Variants in NKAIN2 observed in about 807,000 individuals in gnomAD.
NKAIN2 encodes the protein sodium/potassium-transporting ATPase subunit beta-1-interacting protein 2.
A neutral mutation model predicts 32.6 loss-of-function variants in NKAIN2; 14 were observed. That is an observed-to-expected ratio of 0.43 (90% confidence interval 0.28 to 0.67). The LOEUF (loss-of-function observed/expected upper bound fraction) is 0.67. NKAIN2 is among the 30% of genes least tolerant of loss of function. The pLI, the probability that NKAIN2 is intolerant of heterozygous loss-of-function variation, is 0.17. For missense variants in NKAIN2, 198 were observed against 258.3 expected (o/e 0.77, Z 1.60); for synonymous variants, 80 against 87.2 (o/e 0.92, Z 0.46).
chr6:124,509,465 G>T (rs949319512), intron 3 of NKAIN2, among the ~76,000 whole-genome samples: 1 of 152,162 alleles, frequency 6.6e-6, no homozygotes, highest in Admixed American at 6.5e-5. Context: ...ATAGGTCATC[G>T]TTGGGCTAAT....
At chr6:123,932,652 T>G (rs1485703728) in intron 1 of NKAIN2, among the ~76,000 whole-genome samples, 1 of 151,882 alleles carries the variant, frequency 6.6e-6, no homozygotes, top group Non-Finnish European at 1.5e-5. Context: ...CTCCTGACCT[T>G]GTGATCTGCC....
intron 3 of NKAIN2, among the ~76,000 whole-genome samples, chr6:124,600,650 AT>A (rs1782270251): frequency 6.6e-6 from 1 of 152,066 alleles, no homozygotes; most frequent in Non-Finnish European, 1.5e-5. Flanking sequence ...TATATTTGAT[AT>A]TTGGAATTTT....
intron 1 of NKAIN2, among the ~76,000 whole-genome samples, chr6:124,068,615 G>A (rs1783299559): frequency 6.6e-6 from 1 of 151,978 alleles, no homozygotes; most frequent in Non-Finnish European, 1.5e-5. Flanking sequence ...GGAGCTATAG[G>A]AGAGCCTAGC....
At chr6:124,418,963 T>C (rs1450572644) in intron 3 of NKAIN2, among the ~76,000 whole-genome samples, 1 of 152,142 alleles carries the variant, frequency 6.6e-6, no homozygotes, top group African/African-American at 2.4e-5. Flanking sequence ...AATTCTTTAA[T>C]ATTTTTGGCC....
At chr6:124,753,250 A>G (rs778541154) in intron 4 of NKAIN2, among the ~76,000 whole-genome samples, 42 of 152,126 alleles carry the variant, frequency 2.8e-4, no homozygotes, top group Non-Finnish European at 5.4e-4. Flanking sequence ...GTTTCATGTC[A>G]CCTTGTCTGC....
At chr6:123,968,254 G>A (rs1358965674) in intron 1 of NKAIN2, among the ~76,000 whole-genome samples, 2 of 152,178 alleles carry the variant, frequency 1.3e-5, no homozygotes, top group South Asian at 2.1e-4. Context: ...AGAGAAAGAG[G>A]TGGGCCAGGG....
chr6:124,051,883 A>T (rs1782420349), intron 1 of NKAIN2, among the ~76,000 whole-genome samples: 1 of 151,982 alleles, frequency 6.6e-6, no homozygotes, highest in African/African-American at 2.4e-5. Context: ...TCAAGAATAG[A>T]GGGTAGATGG....
chr6:123,978,292 A>G (rs1444091019), intron 1 of NKAIN2, among the ~76,000 whole-genome samples: 1 of 152,176 alleles, frequency 6.6e-6, no homozygotes, highest in Non-Finnish European at 1.5e-5. Flanking sequence ...TTCAAAGGTA[A>G]TTAAAGTATA....
intron 1 of NKAIN2, among the ~76,000 whole-genome samples, chr6:124,188,677 A>G (rs1789867609): frequency 6.6e-6 from 1 of 152,146 alleles, no homozygotes; most frequent in Non-Finnish European, 1.5e-5. Flanking sequence ...TGCATTTGAG[A>G]TACTCACTAA....
At chr6:124,099,115 T>A (rs1382341641) in intron 1 of NKAIN2, among the ~76,000 whole-genome samples, 2 of 152,120 alleles carry the variant, frequency 1.3e-5, no homozygotes, top group African/African-American at 4.8e-5. Flanking sequence ...GAGGCATAAA[T>A]ATGCTATGTT....
intron 1 of NKAIN2, among the ~76,000 whole-genome samples, chr6:124,045,064 T>C (rs2114818933): frequency 6.6e-6 from 1 of 152,076 alleles, no homozygotes; most frequent in Admixed American, 6.6e-5. Context: ...GTGAGCTCAT[T>C]TGAAACCTAT....
At chr6:123,900,537 T>G (rs1213298194) in intron 1 of NKAIN2, among the ~76,000 whole-genome samples, 6 of 83,348 alleles carry the variant, frequency 7.2e-5, no homozygotes, top group East Asian at 2.7e-4. Context: ...GATTAGTTTT[T>G]TTTTTTTTTT....
At chr6:124,171,852 CTT>C (rs1205322762) in intron 1 of NKAIN2, among the ~76,000 whole-genome samples, 33 of 136,214 alleles carry the variant, frequency 2.4e-4, no homozygotes, top group South Asian at 7.1e-4. Flanking sequence ...GCGGCCGACT[CTT>C]TTTTTTTTTT....
rs529896866 is a variant in NKAIN2, at chr6:124,342,176, C to T, written c.193-13091C>T. ...CAGCACTTTGGGAGGCCAAGGCAGG[C>T]GGATCACGAGGTCAGAAGATCGAGA... On this transcript the variant is annotated intron_variant, in intron 2 of 6. Transcript: ENST00000368417. 4.6e-5 allele frequency among the ~76,000 whole-genome samples: 7 copies of T among 151,758 alleles called. No homozygotes were observed. In the East Asian group the frequency reaches 7.8e-4, roughly 17 times the overall value.
chr6:124,637,644 A>G (rs564897546), intron 3 of NKAIN2, among the ~76,000 whole-genome samples: 100 of 152,260 alleles, frequency 6.6e-4, no homozygotes, highest in African/African-American at 2.3e-3. Context: ...TAAGAAAGAA[A>G]TTATGAACAC....
intron 4 of NKAIN2, among the ~76,000 whole-genome samples, chr6:124,719,089 A>G (rs1249132877): frequency 6.6e-6 from 1 of 152,200 alleles, no homozygotes; most frequent in Non-Finnish European, 1.5e-5. Flanking sequence ...AAAAGAAAAA[A>G]GGAAAAATGT....
At chr6:124,362,117 T>G (rs914816245) in intron 3 of NKAIN2, among the ~76,000 whole-genome samples, 1 of 152,104 alleles carries the variant, frequency 6.6e-6, no homozygotes, top group Non-Finnish European at 1.5e-5. Flanking sequence ...AATAATTGAT[T>G]TAAGACAAAA....
At chr6:124,661,095 T>G (rs1167928212) in intron 4 of NKAIN2, among the ~76,000 whole-genome samples, 2 of 152,228 alleles carry the variant, frequency 1.3e-5, no homozygotes. Flanking sequence ...TGTCAGGACC[T>G]CTGACCTTGA....
intron 6 of NKAIN2, among the ~76,000 whole-genome samples, chr6:124,819,326 GAAATTAATCTTT>G (rs1293271259): frequency 6.6e-6 from 1 of 152,044 alleles, no homozygotes. Flanking sequence ...CTCCTCCAAA[GAAATTAATCTTT>G]AAACATCCCC....
Sources: allele counts gnomAD v4.1 joint callset (sites outside exome capture counted in the v4.1 genomes callset), GRCh38; gene constraint gnomAD v4.1.1; transcripts MANE v1.5; gene names NCBI Gene and HGNC (gene_info 2026-07-23, HGNC 2026-07-21).